DCDC1: variants seen among roughly 807,000 people sequenced by gnomAD.
DCDC1 encodes the protein doublecortin domain-containing protein 1.
A neutral mutation model predicts 178.3 loss-of-function variants in DCDC1; 200 were observed. The observed-to-expected ratio is 1.12, with a 90% confidence interval of 1.00 to 1.26. The LOEUF (loss-of-function observed/expected upper bound fraction) is 1.26. DCDC1 is among the 50% of genes most tolerant of loss of function. The pLI is 0.00. For missense variants in DCDC1, 1,983 were observed against 1,749.2 expected (o/e 1.13, Z -2.38); for synonymous variants, 690 against 604.8 (o/e 1.14, Z -2.07).
rs181466683 is a variant in DCDC1, at chr11:31,150,991, C to T, written c.1222-13207G>A. Reference sequence around the variant, plus strand: ...ATATTTCCTGCTTCTTAAAAGTGAACGGAAATGAGAACAAAGATGAGGAAG... The same window carrying T: ...ATATTTCCTGCTTCTTAAAAGTGAATGGAAATGAGAACAAAGATGAGGAAG... On this transcript the variant is annotated intron_variant, in intron 9 of 38. Coordinates refer to ENST00000684477, the MANE Select transcript of DCDC1 (RefSeq NM_001387274.1). Among the ~76,000 whole-genome samples, 283 of 152,122 alleles carry T rather than the reference C, an allele frequency of 1.9e-3. 7 individuals carry two copies. Among genetic ancestry groups the T allele is most frequent in the Admixed American group, 0.018 (270 of 15,260 alleles).
intron 9 of DCDC1, among the ~76,000 whole-genome samples, chr11:31,148,478 T>C (rs1964723481): frequency 6.6e-6 from 1 of 151,908 alleles, no homozygotes; most frequent in South Asian, 2.1e-4. Context: ...CACTCTAGCC[T>C]GGACAACAGA....
chr11:31,140,589 A>G (rs1356437093), intron 9 of DCDC1, among the ~76,000 whole-genome samples: 2 of 152,216 alleles, frequency 1.3e-5, no homozygotes, highest in Non-Finnish European at 2.9e-5. Context: ...TGGCAACCAG[A>G]ATAGAACAAT....
At chr11:31,137,135 A>C (rs190539226) in intron 10 of DCDC1, among the ~76,000 whole-genome samples, 1 of 152,130 alleles carries the variant, frequency 6.6e-6, no homozygotes, top group Admixed American at 6.5e-5. Flanking sequence ...TAATTTAGAA[A>C]ACTTATGAGA....
chr11:31,292,752 T>C (rs938432172), intron 6 of DCDC1, among the ~76,000 whole-genome samples: 1 of 152,102 alleles, frequency 6.6e-6, no homozygotes, highest in Non-Finnish European at 1.5e-5. Flanking sequence ...TTAAAATTAT[T>C]AATTTTGCAT....
At chr11:30,953,030 A>G (rs1164408217) in intron 20 of DCDC1, among the ~76,000 whole-genome samples, 1 of 151,944 alleles carries the variant, frequency 6.6e-6, no homozygotes, top group Non-Finnish European at 1.5e-5. Flanking sequence ...GCTATAAGTA[A>G]TAAATGCAAG....
chr11:31,327,454 G>C (rs1457707276), intron 3 of DCDC1, among the ~76,000 whole-genome samples: 9 of 152,170 alleles, frequency 5.9e-5, no homozygotes, highest in Admixed American at 5.2e-4. Context: ...ACAGGCGTGA[G>C]TAACTGCACC....
chr11:31,072,087 T>A (rs886469616), intron 18 of DCDC1, among the ~76,000 whole-genome samples: 1 of 152,234 alleles, frequency 6.6e-6, no homozygotes, highest in Non-Finnish European at 1.5e-5. Context: ...AAAATGAGTG[T>A]GTTAGTTTTC....
At chr11:31,179,590 T>A (rs1339625196) in intron 9 of DCDC1, among the ~76,000 whole-genome samples, 1 of 152,208 alleles carries the variant, frequency 6.6e-6, no homozygotes, top group Non-Finnish European at 1.5e-5. Flanking sequence ...AAATACCATA[T>A]GATCTCACTC....
chr11:31,138,912 C>T (rs763013561), intron 9 of DCDC1, among the ~76,000 whole-genome samples: 3 of 151,868 alleles, frequency 2.0e-5, no homozygotes, highest in Non-Finnish European at 2.9e-5. Context: ...TCAGAGATTC[C>T]GTTTTGTTAG....
chr11:30,921,478 T>C (rs1048065599), intron 24 of DCDC1, among the ~76,000 whole-genome samples: 6 of 152,180 alleles, frequency 3.9e-5, no homozygotes, highest in African/African-American at 1.4e-4. Flanking sequence ...AGTCCAAAGA[T>C]AGTTTTTGAC....
At chr11:31,018,085 G>GAA (rs34771190) in intron 20 of DCDC1, among the ~76,000 whole-genome samples, 1 of 147,160 alleles carries the variant, frequency 6.8e-6, no homozygotes, top group African/African-American at 2.5e-5. Flanking sequence ...CCACCCACCA[G>GAA]AAAAAAAAAA....
At chr11:31,307,945 G>C in intron 3 of DCDC1, 37 bp from the exon 4 acceptor site, 3 of 1,607,554 alleles carry the variant, frequency 1.9e-6, no homozygotes, top group Non-Finnish European at 2.6e-6. Context: ...ACAATTAATT[G>C]ATTTGTAATC....
At chr11:31,221,293 T>C (rs955608508) in intron 9 of DCDC1, among the ~76,000 whole-genome samples, 2 of 152,152 alleles carry the variant, frequency 1.3e-5, no homozygotes, top group African/African-American at 4.8e-5. Context: ...AGCTGTAAAC[T>C]TGTGAAACTA....
At chr11:30,923,521 C>T (rs1946395589) in intron 23 of DCDC1, among the ~76,000 whole-genome samples, 1 of 150,190 alleles carries the variant, frequency 6.7e-6, no homozygotes, top group Non-Finnish European at 1.5e-5. Context: ...GAAAGAGAAC[C>T]TCAGTGCTGC....
chr11:31,341,607 CTG>C, intron 1 of DCDC1, among the ~76,000 whole-genome samples: 1 of 152,266 alleles, frequency 6.6e-6, no homozygotes, highest in East Asian at 1.9e-4. Flanking sequence ...CAGCATGTAA[CTG>C]TGTAGAACAC....
At position 30,886,306 on chromosome 11, in the gene DCDC1, A is replaced by G. The variant is rs1359016522; in HGVS notation, c.5083-4998T>C. Among the ~76,000 whole-genome samples the G allele has an allele frequency of 4.6e-5, 7 of 152,330 alleles. No homozygotes were observed. The East Asian group carries it at 1.3e-3, about 29-fold the overall frequency. On this transcript the variant is annotated intron_variant, in intron 36 of 38. Coordinates refer to ENST00000684477, the MANE Select transcript of DCDC1 (RefSeq NM_001387274.1). ...TTATTAAGATAATAAAAAAATTCAT[A>G]GAGATCATTTTCAAAAAGAGATTGC...
intron 1 of DCDC1, among the ~76,000 whole-genome samples, chr11:31,341,507 A>G (rs564943579): frequency 1.8e-4 from 27 of 152,268 alleles, no homozygotes; most frequent in Non-Finnish European, 3.7e-4. Flanking sequence ...CTGGGCAAAT[A>G]TCATACAGTA....
At chr11:31,111,973 A>T (rs1223582854) in intron 11 of DCDC1, among the ~76,000 whole-genome samples, 1 of 152,186 alleles carries the variant, frequency 6.6e-6, no homozygotes. Context: ...CACTGCTGAT[A>T]ATAAGCCTTC....
intron 9 of DCDC1, among the ~76,000 whole-genome samples, chr11:31,219,146 A>C (rs2136649888): frequency 6.6e-6 from 1 of 152,266 alleles, no homozygotes; most frequent in Admixed American, 6.5e-5. Context: ...CAAAGCAAAC[A>C]ATTTAGAGCA....
Sources: allele counts gnomAD v4.1 joint callset (sites outside exome capture counted in the v4.1 genomes callset), GRCh38; gene constraint gnomAD v4.1.1; transcripts MANE v1.5; gene names NCBI Gene and HGNC (gene_info 2026-07-23, HGNC 2026-07-21).